The following COL23A1 variants were observed in gnomAD, a reference collection of about 807,000 sequenced individuals.
COL23A1 encodes collagen type XXIII alpha 1 chain.
In COL23A1, 97 loss-of-function variants were observed where a neutral mutation model predicts 99.3. That is an observed-to-expected ratio of 0.98 (90% CI 0.83 to 1.16). The LOEUF is 1.16. Ranked by LOEUF, COL23A1 falls within the 50% of genes most tolerant of loss-of-function variation. The probability of loss-of-function intolerance (pLI) is 0.00; values close to 1 mark genes in which losing one functional copy is unlikely to be tolerated. For missense variants in COL23A1, 762 were observed against 757.4 expected (o/e 1.01, Z -0.07); for synonymous variants, 320 against 308.2 (o/e 1.04, Z -0.40).
chr5:178,494,003 T>C (rs990236417), intron 2 of COL23A1, among the ~76,000 whole-genome samples: 1 of 127,500 alleles, frequency 7.8e-6, no homozygotes, highest in East Asian at 2.2e-4. Context: ...ACTTAAGAAA[T>C]TGGAATTTAA....
At chr5:178,501,710 C>T (rs911733220) in intron 2 of COL23A1, among the ~76,000 whole-genome samples, 1 of 152,238 alleles carries the variant, frequency 6.6e-6, no homozygotes, top group Admixed American at 6.5e-5. Context: ...GGTACGCCAA[C>T]ACCCCTGCTG....
At chr5:178,481,739 C>T (rs767164169) in intron 2 of COL23A1, among the ~76,000 whole-genome samples, 6 of 151,740 alleles carry the variant, frequency 4.0e-5, no homozygotes, top group East Asian at 3.9e-4. Context: ...GATGAGAATT[C>T]GGGGAAGTTG....
At chr5:178,482,961 A>G (rs902954381) in intron 2 of COL23A1, among the ~76,000 whole-genome samples, 12 of 152,118 alleles carry the variant, frequency 7.9e-5, no homozygotes, top group African/African-American at 2.4e-4. Flanking sequence ...AGTCCCAGCT[A>G]CTTGGGAGGC....
chr5:178,452,384 A>G (rs1767538174), intron 2 of COL23A1, among the ~76,000 whole-genome samples: 1 of 152,212 alleles, frequency 6.6e-6, no homozygotes, highest in Non-Finnish European at 1.5e-5. Flanking sequence ...CAAACCTGAG[A>G]CCATAAACTG....
intron 2 of COL23A1, among the ~76,000 whole-genome samples, chr5:178,379,008 A>C (rs1405823379): frequency 6.6e-6 from 1 of 152,120 alleles, no homozygotes; most frequent in Non-Finnish European, 1.5e-5. Context: ...TCTAGACTTT[A>C]TTTATCTCAC....
chr5:178,582,183 G>C (rs1351981747), intron 1 of COL23A1, among the ~76,000 whole-genome samples: 2 of 141,552 alleles, frequency 1.4e-5, no homozygotes, highest in East Asian at 4.0e-4. Flanking sequence ...CTCCAGCCTG[G>C]GAGACAGGAC....
chr5:178,412,686 A>G (rs138219527), intron 2 of COL23A1, among the ~76,000 whole-genome samples: 60 of 152,268 alleles, frequency 3.9e-4, no homozygotes, highest in African/African-American at 1.3e-3. Flanking sequence ...CATTTTTAAC[A>G]TTTTACTCTT....
At chr5:178,500,361 G>A (rs1758454186) in intron 2 of COL23A1, among the ~76,000 whole-genome samples, 1 of 146,806 alleles carries the variant, frequency 6.8e-6, no homozygotes, top group African/African-American at 2.5e-5. Flanking sequence ...GCCGAGGCGG[G>A]AGGGTCACTT....
chr5:178,304,700 G>A (rs1287563341), intron 3 of COL23A1, among the ~76,000 whole-genome samples: 1 of 152,054 alleles, frequency 6.6e-6, no homozygotes, highest in East Asian at 1.9e-4. Context: ...CTTTGTTTTT[G>A]GATAGGCAGA....
At chr5:178,297,404 G>T (rs1387432915) in intron 3 of COL23A1, among the ~76,000 whole-genome samples, 2 of 152,204 alleles carry the variant, frequency 1.3e-5, no homozygotes, top group Non-Finnish European at 2.9e-5. Context: ...TGTAATCCCA[G>T]CTACTCAGGA....
intron 1 of COL23A1, among the ~76,000 whole-genome samples, chr5:178,575,817 GC>G (rs1331196103): frequency 6.6e-6 from 1 of 152,210 alleles, no homozygotes; most frequent in Non-Finnish European, 1.5e-5. Context: ...CAGGAAGGAA[GC>G]GGAGACCAGG....
chr5:178,429,234 G>T (rs1766120832), intron 2 of COL23A1, among the ~76,000 whole-genome samples: 1 of 152,070 alleles, frequency 6.6e-6, no homozygotes, highest in African/African-American at 2.4e-5. Flanking sequence ...AGGTCACAGG[G>T]CAGAGCTGGG....
chr5:178,377,257 C>T (rs1438232709), intron 2 of COL23A1, among the ~76,000 whole-genome samples: 1 of 152,362 alleles, frequency 6.6e-6, no homozygotes, highest in Non-Finnish European at 1.5e-5. Context: ...ATCTGTCAGA[C>T]ACAGAGCTGC....
chr5:178,403,901 T>C (rs1035249882), intron 2 of COL23A1, among the ~76,000 whole-genome samples: 1 of 152,268 alleles, frequency 6.6e-6, no homozygotes, highest in Non-Finnish European at 1.5e-5. Context: ...GCCCCCATCA[T>C]GGCCTCGAAG....
At chr5:178,559,055 G>C (rs184524504) in intron 2 of COL23A1, among the ~76,000 whole-genome samples, 1 of 152,208 alleles carries the variant, frequency 6.6e-6, no homozygotes, top group Non-Finnish European at 1.5e-5. Flanking sequence ...CTCCCAAAGT[G>C]CTGGGATTAC....
chr5:178,291,423 G>A (rs952137922), intron 3 of COL23A1, among the ~76,000 whole-genome samples: 1 of 152,216 alleles, frequency 6.6e-6, no homozygotes. Context: ...ATAGCACAAG[G>A]GCCCTGACCC....
chr5:178,467,017 T>C (rs1170058293), intron 2 of COL23A1, among the ~76,000 whole-genome samples: 1 of 152,224 alleles, frequency 6.6e-6, no homozygotes, highest in Non-Finnish European at 1.5e-5. Flanking sequence ...TAAGTGACAT[T>C]ATATGTATAT....
chr5:178,302,054 T>A (rs1302806473), intron 3 of COL23A1, among the ~76,000 whole-genome samples: 1 of 138,988 alleles, frequency 7.2e-6, no homozygotes, highest in African/African-American at 2.8e-5. Context: ...ACGGCTTCAA[T>A]GCTGCACCTC....
At chr5:178,464,012 C>G (rs888612474) in intron 2 of COL23A1, among the ~76,000 whole-genome samples, 2 of 152,230 alleles carry the variant, frequency 1.3e-5, no homozygotes, top group Non-Finnish European at 2.9e-5. Context: ...CTCCCCAACA[C>G]CAGTTGGCAG....
Sources: gnomAD v4.1 joint callset for allele counts (sites outside exome capture counted in the v4.1 genomes callset) on GRCh38, gnomAD v4.1.1 for gene constraint, MANE v1.5 for transcripts, NCBI Gene and HGNC (gene_info 2026-07-23, HGNC 2026-07-21) for gene names.